The following SDK1 variants were observed in gnomAD, a reference collection of about 807,000 sequenced individuals.
The protein encoded by SDK1 is sidekick cell adhesion molecule 1.
Under a neutral mutation model 245.5 loss-of-function variants are expected in SDK1, and 157 were observed. The observed-to-expected ratio is 0.64, with a 90% CI of 0.56 to 0.73. The LOEUF (loss-of-function observed/expected upper bound fraction) is 0.73, where lower values mean the gene tolerates loss of function less well. Ranked by LOEUF, SDK1 falls within the 30% of genes least tolerant of loss-of-function variation. The pLI is 0.00. For synonymous variants in SDK1, 1,647 were observed against 1,278.5 expected (o/e 1.29, Z -6.15); for missense variants, 3,583 against 3,002.3 (o/e 1.19, Z -4.52).
intron 35 of SDK1, among the ~76,000 whole-genome samples, chr7:4,204,903 C>T (rs1039382684): frequency 2.0e-5 from 2 of 98,508 alleles, no homozygotes; most frequent in Admixed American, 8.9e-5. Flanking sequence ...ATGGGGCAGA[C>T]AGGACGGAGG....
At chr7:3,735,402 AAGTGAAGGC>A (rs1779291751) in intron 4 of SDK1, among the ~76,000 whole-genome samples, 1 of 152,144 alleles carries the variant, frequency 6.6e-6, no homozygotes, top group Non-Finnish European at 1.5e-5. Context: ...TACCTCATAT[AAGTGAAGGC>A]AGAGAGTATT....
intron 1 of SDK1, among the ~76,000 whole-genome samples, chr7:3,337,594 C>A (rs915029448): frequency 1.3e-5 from 2 of 152,164 alleles, no homozygotes. Flanking sequence ...CAAGACACAT[C>A]CTGATTAAAC....
intron 1 of SDK1, among the ~76,000 whole-genome samples, chr7:3,433,786 C>G (rs1055543080): frequency 6.6e-6 from 1 of 151,322 alleles, no homozygotes; most frequent in African/African-American, 2.5e-5. Flanking sequence ...TTGAGACGTT[C>G]TCATCTTGAA....
At chr7:3,871,132 T>C (rs1780945952) in intron 5 of SDK1, among the ~76,000 whole-genome samples, 1 of 148,878 alleles carries the variant, frequency 6.7e-6, no homozygotes, top group African/African-American at 2.6e-5. Context: ...AATAGATTTA[T>C]ACCTAAGTAT....
intron 1 of SDK1, among the ~76,000 whole-genome samples, chr7:3,378,813 T>C (rs1369036043): frequency 7.4e-6 from 1 of 135,330 alleles, no homozygotes; most frequent in Admixed American, 7.4e-5. Flanking sequence ...CCCTGCTCGC[T>C]GGGGGGCCGG....
intron 5 of SDK1, among the ~76,000 whole-genome samples, chr7:3,833,334 G>C (rs546160986): frequency 6.6e-6 from 1 of 152,168 alleles, no homozygotes; most frequent in Non-Finnish European, 1.5e-5. Context: ...TGACATTAAC[G>C]GCCATGTCTG....
chr7:3,942,109 T>C (rs1451185071), intron 5 of SDK1, among the ~76,000 whole-genome samples: 1 of 152,114 alleles, frequency 6.6e-6, no homozygotes, highest in Non-Finnish European at 1.5e-5. Flanking sequence ...GGTTTCACCG[T>C]GTTAGCTAGG....
In SDK1 at chr7:3,380,514, G is replaced by A. The variant is rs566284075; in HGVS notation, c.298+78630G>A. Among the ~76,000 whole-genome samples the A allele has an allele frequency of 2.9e-4, 44 of 152,314 alleles. 1 individual carries two copies. In the South Asian group the frequency reaches 7.0e-3, roughly 24 times the overall value. Reference sequence around the variant, plus strand: ...GACAATATGTGTTTGAGGAATTGGCGGTTCAGTTTGGCCAACTTTGGTGTT... The same window carrying A: ...GACAATATGTGTTTGAGGAATTGGCAGTTCAGTTTGGCCAACTTTGGTGTT... On this transcript the variant is annotated intron_variant, in intron 1 of 44. Coordinates refer to ENST00000404826, the MANE Select transcript of SDK1 (RefSeq NM_152744.4).
At chr7:3,443,199 A>T (rs972150356) in intron 1 of SDK1, among the ~76,000 whole-genome samples, 18 of 152,164 alleles carry the variant, frequency 1.2e-4, no homozygotes, top group Non-Finnish European at 1.9e-4. Flanking sequence ...TAACAAAAAA[A>T]CTTAACCTTG....
At chr7:3,951,678 T>A in intron 6 of SDK1, 52 bp from the exon 7 acceptor site, 1 of 1,545,460 alleles carries the variant, frequency 6.5e-7, no homozygotes, top group Admixed American at 1.7e-5. Flanking sequence ...TGATGACCGT[T>A]GCCACCTCCC....
At chr7:3,448,602 C>G (rs932038754) in intron 1 of SDK1, among the ~76,000 whole-genome samples, 1 of 151,900 alleles carries the variant, frequency 6.6e-6, no homozygotes, top group African/African-American at 2.4e-5. Flanking sequence ...ATATAAATAT[C>G]TTTTAATTCA....
rs148987749 is a variant in SDK1 at position 3,515,985 on chromosome 7, T to C, written c.299-103095T>C. On this transcript the variant is annotated intron_variant, in intron 1 of 44. Coordinates refer to ENST00000404826, the MANE Select transcript of SDK1 (RefSeq NM_152744.4). Reference sequence around the variant, plus strand: ...TAGGGCTTTCTGCACATGTCATTTCTTTGCTAATTGTTTTATACTTATAGT... The same window carrying C: ...TAGGGCTTTCTGCACATGTCATTTCCTTGCTAATTGTTTTATACTTATAGT... Among the ~76,000 whole-genome samples, 249 of 152,306 alleles carry C rather than the reference T, an allele frequency of 1.6e-3. 1 individual carries two copies. Among genetic ancestry groups the C allele is most frequent in the African/African-American group, 5.8e-3 (241 of 41,588 alleles).
At chr7:3,460,059 T>C (rs1471025146) in intron 1 of SDK1, among the ~76,000 whole-genome samples, 3 of 152,234 alleles carry the variant, frequency 2.0e-5, no homozygotes, top group Non-Finnish European at 4.4e-5. Flanking sequence ...GTCTATTTTA[T>C]TGTTTATTAA....
At chr7:3,800,763 A>C (rs538062656) in intron 4 of SDK1, among the ~76,000 whole-genome samples, 1 of 152,212 alleles carries the variant, frequency 6.6e-6, no homozygotes, top group African/African-American at 2.4e-5. Flanking sequence ...TCCTAAATAT[A>C]CACACACCCA....
chr7:3,591,450 T>C (rs1338753070), intron 1 of SDK1, among the ~76,000 whole-genome samples: 1 of 152,282 alleles, frequency 6.6e-6, no homozygotes, highest in Non-Finnish European at 1.5e-5. Flanking sequence ...ATGTCCTTTA[T>C]GTGTCTGCAC....
At chr7:3,967,789 G>T (rs1782193291) in intron 10 of SDK1, among the ~76,000 whole-genome samples, 1 of 152,198 alleles carries the variant, frequency 6.6e-6, no homozygotes, top group Non-Finnish European at 1.5e-5. Flanking sequence ...ACAGGAGGGG[G>T]AGCTCAGGCA....
At chr7:4,214,637 G>A (rs1316836967) in intron 38 of SDK1, among the ~76,000 whole-genome samples, 1 of 151,790 alleles carries the variant, frequency 6.6e-6, no homozygotes, top group African/African-American at 2.4e-5. Context: ...GGAAGAACAA[G>A]CCATGCAGAC....
intron 35 of SDK1, among the ~76,000 whole-genome samples, chr7:4,182,400 C>T (rs182935076): frequency 2.2e-4 from 34 of 152,334 alleles, no homozygotes; most frequent in Admixed American, 2.0e-3. Flanking sequence ...CAGCTCCTTG[C>T]CCCAGGGGTA....
intron 19 of SDK1, among the ~76,000 whole-genome samples, chr7:4,054,055 T>C (rs1395427298): frequency 6.6e-6 from 1 of 151,986 alleles, no homozygotes; most frequent in Non-Finnish European, 1.5e-5. Flanking sequence ...TCTCCTGCCT[T>C]GGCCTCTCAA....
Sources: allele counts gnomAD v4.1 joint callset (sites outside exome capture counted in the v4.1 genomes callset), GRCh38; gene constraint gnomAD v4.1.1; transcripts MANE v1.5; gene names NCBI Gene and HGNC (gene_info 2026-07-23, HGNC 2026-07-21).